The following FAM178B variants were observed in gnomAD, a reference collection of about 807,000 sequenced individuals.
FAM178B encodes the protein family with sequence similarity 178 member B.
Under a neutral mutation model 91.7 loss-of-function variants are expected in FAM178B, and 82 were observed. That is an observed-to-expected ratio of 0.89 (90% confidence interval 0.75 to 1.07). The LOEUF (loss-of-function observed/expected upper bound fraction) is 1.07. FAM178B is among the 50% of genes least tolerant of loss of function. The probability of loss-of-function intolerance (pLI) is 0.00; values close to 1 mark genes in which losing one functional copy is unlikely to be tolerated. For synonymous variants in FAM178B, 368 were observed against 359.4 expected (o/e 1.02, Z -0.27); for missense variants, 769 against 846.7 (o/e 0.91, Z 1.14).
At chr2:96,959,015 A>G in intron 6 of FAM178B, among the ~76,000 whole-genome samples, 1 of 151,880 alleles carries the variant, frequency 6.6e-6, no homozygotes, top group East Asian at 1.9e-4. Context: ...CCTGACCAAC[A>G]TGGTGAAACC....
At chr2:96,908,617 C>A (rs556163426) in intron 12 of FAM178B, among the ~76,000 whole-genome samples, 1 of 152,154 alleles carries the variant, frequency 6.6e-6, no homozygotes, top group South Asian at 2.1e-4. Context: ...CAGGAGGGAA[C>A]GCCTGGCAGG....
chr2:96,975,717 A>C (rs1261944805), intron 1 of FAM178B, among the ~76,000 whole-genome samples: 1 of 152,244 alleles, frequency 6.6e-6, no homozygotes, highest in Non-Finnish European at 1.5e-5. Flanking sequence ...TTCCATCTAC[A>C]CATTTCAAAA....
Position 96,945,531 on chromosome 2 carries a change from C to T in FAM178B, c.1078+2287G>A, listed in dbSNP as rs150710128. On this transcript the variant is annotated intron_variant, in intron 8 of 16. Coordinates refer to ENST00000490605, the MANE Select transcript of FAM178B (RefSeq NM_001122646.3). Reference sequence around the variant, plus strand: ...GTTTACATATGAGAAGCGGCTTGAACACACACACACAAACACACACGTGCG... The same window carrying T: ...GTTTACATATGAGAAGCGGCTTGAATACACACACACAAACACACACGTGCG... Among the ~76,000 whole-genome samples, 457 of 151,962 alleles carry T rather than the reference C, an allele frequency of 3.0e-3. 4 individuals are homozygous for T. The highest frequency in any genetic ancestry group is 0.011 in the African/African-American group (440 of 41,300).
chr2:96,914,487 CAA>C (rs1480928796), intron 12 of FAM178B, among the ~76,000 whole-genome samples: 1 of 152,230 alleles, frequency 6.6e-6, no homozygotes, highest in Non-Finnish European at 1.5e-5. Flanking sequence ...CAAGATGATG[CAA>C]AGTCTTGGAA....
chr2:96,959,936 G>A (rs1391423451), intron 6 of FAM178B, among the ~76,000 whole-genome samples: 2 of 152,138 alleles, frequency 1.3e-5, no homozygotes, highest in African/African-American at 4.8e-5. Flanking sequence ...ACGTGCCCTC[G>A]ATGGCCCAGG....
chr2:96,887,893 G>C (rs2080568875), intron 14 of FAM178B, among the ~76,000 whole-genome samples: 1 of 152,212 alleles, frequency 6.6e-6, no homozygotes, highest in Non-Finnish European at 1.5e-5. Context: ...AGCAGGCCCG[G>C]GTGCTGCCAA....
chr2:96,953,369 G>A (rs975186623), intron 6 of FAM178B, among the ~76,000 whole-genome samples: 13 of 152,232 alleles, frequency 8.5e-5, no homozygotes, highest in African/African-American at 3.1e-4. Flanking sequence ...CATGTGGTGA[G>A]GAGGCTGGCG....
chr2:96,949,053 T>A (rs1256314709), intron 7 of FAM178B, among the ~76,000 whole-genome samples: 3 of 151,984 alleles, frequency 2.0e-5, no homozygotes, highest in Non-Finnish European at 4.4e-5. Flanking sequence ...AACACTTGAG[T>A]CTCTCCCAAC....
intron 14 of FAM178B, among the ~76,000 whole-genome samples, chr2:96,891,558 G>C (rs918792123): frequency 4.0e-5 from 6 of 151,222 alleles, no homozygotes; most frequent in African/African-American, 1.5e-4. Context: ...CGCAGTGCTA[G>C]AGACACTGCA....
intron 12 of FAM178B, among the ~76,000 whole-genome samples, chr2:96,906,445 TC>T (rs2081057437): frequency 6.6e-6 from 1 of 152,010 alleles, no homozygotes. Context: ...GACCAACCAT[TC>T]CCCTCCATGC....
chr2:96,937,499 C>T (rs2081652305), intron 8 of FAM178B, among the ~76,000 whole-genome samples: 1 of 152,182 alleles, frequency 6.6e-6, no homozygotes. Context: ...CACCTGAGGC[C>T]AACTGCCCGT....
intron 14 of FAM178B, among the ~76,000 whole-genome samples, chr2:96,879,341 T>C (rs984577057): frequency 6.6e-6 from 1 of 152,164 alleles, no homozygotes; most frequent in Non-Finnish European, 1.5e-5. Flanking sequence ...AGGCGGGCTC[T>C]AGAAATGCCG....
intron 8 of FAM178B, among the ~76,000 whole-genome samples, chr2:96,932,614 A>T (rs2153371887): frequency 6.6e-6 from 1 of 152,290 alleles, no homozygotes; most frequent in Admixed American, 6.5e-5. Context: ...GGTGATGCCC[A>T]GGGGAGCACC....
intron 12 of FAM178B, among the ~76,000 whole-genome samples, chr2:96,912,837 C>T (rs2081181528): frequency 6.6e-6 from 1 of 152,178 alleles, no homozygotes; most frequent in Admixed American, 6.5e-5. Context: ...GCCTTGACTG[C>T]CTCCTTCCAG....
At position 96,893,968 on chromosome 2, in the gene FAM178B, G is replaced by A. The variant is rs1217793083; in HGVS notation, c.1734C>T (p.Cys578=). The A allele has an allele frequency of 3.1e-6, 5 of 1,612,932 alleles. No homozygotes were observed. The highest frequency in any genetic ancestry group is 4.2e-6 in the Non-Finnish European group (5 of 1,179,652). Residue 578 remains cysteine, a synonymous_variant, in exon 14 of 17, where the codon TGC becomes TGT. Transcript: ENST00000490605. ...CACTAGCCTTTGGCTGTTGCTCCTG[G>A]CAGGGTGGCAAGGGCACAGAGTCCA... ...QYLDSVPLPP[C]QEQQPKASAE... is the part of the protein sequence containing the mutation.
chr2:96,929,155 T>C, intron 9 of FAM178B, 51 bp downstream of exon 9: 1 of 1,291,576 alleles, frequency 7.7e-7, no homozygotes, highest in Non-Finnish European at 1.1e-6. Context: ...AGAGACCCTG[T>C]CTCTTAAAAA....
chr2:96,878,653 G>A (rs758621379), intron 14 of FAM178B, among the ~76,000 whole-genome samples, 160 bp from the exon 15 acceptor site: 13 of 152,328 alleles, frequency 8.5e-5, no homozygotes, highest in Non-Finnish European at 1.2e-4. Context: ...GCATCTTCAA[G>A]GGGACCTGGG....
At chr2:96,977,013 G>A (rs1340336994) in intron 1 of FAM178B, among the ~76,000 whole-genome samples, 4 of 151,736 alleles carry the variant, frequency 2.6e-5, no homozygotes, top group Non-Finnish European at 1.5e-5. Flanking sequence ...TGGCCAACAT[G>A]GGGAAACCCT....
intron 12 of FAM178B, among the ~76,000 whole-genome samples, chr2:96,918,788 G>A (rs2081284032): frequency 6.6e-6 from 1 of 152,190 alleles, no homozygotes; most frequent in African/African-American, 2.4e-5. Flanking sequence ...ACAGCCCAGT[G>A]CTGCGTTCCA....
Sources: gnomAD v4.1 joint callset for allele counts (sites outside exome capture counted in the v4.1 genomes callset) on GRCh38, gnomAD v4.1.1 for gene constraint, MANE v1.5 for transcripts, NCBI Gene and HGNC (gene_info 2026-07-23, HGNC 2026-07-21) for gene names.